ZNF714: variants seen among roughly 807,000 people sequenced by gnomAD.
ZNF714 encodes the protein zinc finger protein 714.
In ZNF714, 32 loss-of-function variants were observed where a neutral mutation model predicts 46.2. The observed-to-expected ratio is 0.69, with a 90% CI of 0.52 to 0.93. The LOEUF (loss-of-function observed/expected upper bound fraction) is 0.93, where lower values mean the gene tolerates loss of function less well. ZNF714 is among the 40% of genes least tolerant of loss of function. The probability of loss-of-function intolerance (pLI) is 0.00; values close to 1 mark genes in which losing one functional copy is unlikely to be tolerated. For missense variants in ZNF714, 635 were observed against 646.3 expected (o/e 0.98, Z 0.19); for synonymous variants, 199 against 213.1 (o/e 0.93, Z 0.58).
chr19:21,096,686 T>C (rs186997253), intron 2 of ZNF714, among the ~76,000 whole-genome samples: 41 of 152,120 alleles, frequency 2.7e-4, no homozygotes, highest in African/African-American at 9.9e-4. Flanking sequence ...AGTGTTCCTT[T>C]TGTGGCTGCT....
rs1969641549 is a variant in ZNF714, at chr19:21,118,006, A to G, written c.1342A>G (p.Thr448Ala). 1 of 1,613,804 alleles carries G rather than the reference A, an allele frequency of 6.2e-7. No homozygotes were observed. The highest frequency in any genetic ancestry group is 2.2e-5 in the East Asian group (1 of 44,870). The part of the protein sequence containing the change: ...SNLTTHKRIH[T>A]GEKPYKCEEC... ...CCTTACTACACATAAGAGAATTCAC[A>G]CTGGAGAGAAACCCTACAAATGTGA... The change falls in exon 5 of 5, where the codon ACT (threonine) becomes GCT (alanine). Residue 448 changes from threonine to alanine, a missense_variant. By Grantham distance (58) the Thr-to-Ala change is moderately conservative. Coordinates refer to ENST00000456283, the MANE Select transcript of ZNF714 (RefSeq NM_182515.4).
chr19:21,084,254 C>G (rs1043064077), intron 2 of ZNF714, among the ~76,000 whole-genome samples, 185 bp downstream of exon 2: 1 of 149,710 alleles, frequency 6.7e-6, no homozygotes, highest in Non-Finnish European at 1.5e-5. Flanking sequence ...ATCAAGCAAA[C>G]AAACAAAAAA....
chr19:21,090,129 T>G (rs951692371), intron 2 of ZNF714, among the ~76,000 whole-genome samples: 1 of 152,268 alleles, frequency 6.6e-6, no homozygotes, highest in African/African-American at 2.4e-5. Context: ...CCTGTCATCA[T>G]TAATTCAACC....
At chr19:21,102,583 T>C (rs1969207034) in intron 4 of ZNF714, among the ~76,000 whole-genome samples, 1 of 152,246 alleles carries the variant, frequency 6.6e-6, no homozygotes, top group Non-Finnish European at 1.5e-5. Flanking sequence ...ACATAAAAAT[T>C]ATCACATTTC....
intron 4 of ZNF714, among the ~76,000 whole-genome samples, chr19:21,111,248 C>T (rs1407183095): frequency 1.3e-5 from 2 of 152,230 alleles, no homozygotes; most frequent in East Asian, 3.9e-4. Context: ...TTTTCTTGTG[C>T]AGCGGTTTGT....
chr19:21,110,928 T>C (rs1419886671), intron 4 of ZNF714, among the ~76,000 whole-genome samples: 2 of 152,138 alleles, frequency 1.3e-5, no homozygotes, highest in Admixed American at 6.5e-5. Context: ...GAGTTCTCTA[T>C]TCTGTTCCAT....
chr19:21,116,230 T>G (rs1471729288), intron 4 of ZNF714, among the ~76,000 whole-genome samples: 1 of 151,776 alleles, frequency 6.6e-6, no homozygotes, highest in South Asian at 2.1e-4. Context: ...GGAGTTTATT[T>G]CTGCTTCATC....
intron 4 of ZNF714, among the ~76,000 whole-genome samples, chr19:21,112,384 G>A (rs1264273759): frequency 6.6e-6 from 1 of 151,970 alleles, no homozygotes; most frequent in Non-Finnish European, 1.5e-5. Flanking sequence ...GCACAGAGGT[G>A]TTTATAGTGT....
At chr19:21,100,926 T>G (rs1363368575) in intron 4 of ZNF714, among the ~76,000 whole-genome samples, 4 of 152,022 alleles carry the variant, frequency 2.6e-5, no homozygotes, top group Admixed American at 6.6e-5. Flanking sequence ...GGCCAGGCTG[T>G]TCTTGAAGTC....
intron 4 of ZNF714, among the ~76,000 whole-genome samples, chr19:21,112,227 G>C (rs528179289): frequency 3.3e-5 from 5 of 152,088 alleles, no homozygotes; most frequent in Non-Finnish European, 7.4e-5. Context: ...ACTTTTTATG[G>C]TTGGTAGGCT....
chr19:21,096,928 G>T (rs534152501), intron 2 of ZNF714, among the ~76,000 whole-genome samples: 15 of 152,010 alleles, frequency 9.9e-5, no homozygotes, highest in African/African-American at 3.4e-4. Context: ...GTGCAGTGGC[G>T]CAATCTCAGC....
chr19:21,118,343 T>C lies in ZNF714; in HGVS notation c.*11T>C. ...GGCAGGCGCCTGTAATCCCAGCTAC[T>C]TGGGAGGCAGAGGCAGGAGAATCAT... On this transcript the variant is annotated 3_prime_UTR_variant, in exon 5 of 5. Coordinates refer to ENST00000456283, the MANE Select transcript of ZNF714 (RefSeq NM_182515.4). 2 of 716,758 alleles carry C rather than the reference T, an allele frequency of 2.8e-6. No individual in the cohort carries two copies. Among genetic ancestry groups the C allele is most frequent in the South Asian group, 1.9e-5 (1 of 52,952 alleles). The allele number at this position is 716,758 out of a possible 1,614,324, so 44.4% of individuals were successfully genotyped here. A position where few individuals can be genotyped will look rare whatever the true frequency, so the allele number is the denominator to read the frequency against.
intron 2 of ZNF714, among the ~76,000 whole-genome samples, chr19:21,086,394 A>AC (rs1968779970): frequency 6.6e-6 from 1 of 152,214 alleles, no homozygotes; most frequent in African/African-American, 2.4e-5. Flanking sequence ...GCAGGGCAGC[A>AC]CCGAGGGCTG....
chr19:21,104,608 ATATTTATT>A (rs60281456), intron 4 of ZNF714, among the ~76,000 whole-genome samples: 11,741 of 150,720 alleles, frequency 0.078, 506 homozygotes, highest in Non-Finnish European at 0.086. Context: ...ATTTATTTAT[ATATTTATT>A]TATTTATTTA....
rs747326230 is a variant in ZNF714 at position 21,112,846 on chromosome 19, G to A, written c.143-3961G>A. Among the ~76,000 whole-genome samples, 181 of 18,494 alleles carry A rather than the reference G, an allele frequency of 9.8e-3. 1 individual carries two copies. The highest frequency in any genetic ancestry group is 8.0e-3 in the Non-Finnish European group (41 of 5,148). The allele number at this position is 18,494 out of a possible 152,430, so 12.1% of individuals were successfully genotyped here. On this transcript the variant is annotated intron_variant, in intron 4 of 4. Transcript: ENST00000456283. ...TTTTTTTTTTTTTTTTTTTTGAGAC[G>A]GAGTCTCGCTCTGTCGCCCAGGCTG... is the stretch of plus-strand genomic sequence containing the variant.
In ZNF714 at chr19:21,124,377, G is replaced by A. The variant is rs915952002; in HGVS notation, c.*6045G>A. The stretch of plus-strand genomic sequence containing the variant: ...TGCTGTTAAATATCAGAGTTCCTAT[G>A]ATTATGACTAAAAAATTAAATGACA... On this transcript the variant is annotated 3_prime_UTR_variant, in exon 5 of 5. Coordinates refer to ENST00000456283, the MANE Select transcript of ZNF714 (RefSeq NM_182515.4). 2.0e-5 allele frequency among the ~76,000 whole-genome samples: 3 copies of A among 152,098 alleles called. No homozygotes were observed. The highest frequency in any genetic ancestry group is 7.2e-5 in the African/African-American group (3 of 41,402).
chr19:21,102,612 A>G (rs1199335411), intron 4 of ZNF714, among the ~76,000 whole-genome samples: 2 of 152,174 alleles, frequency 1.3e-5, no homozygotes, highest in African/African-American at 4.8e-5. Context: ...GCTTATTAAA[A>G]GTTTCTCATT....
rs902195471 is a variant in ZNF714, at chr19:21,093,156, G to A, written c.-84-5029G>A. 1.1e-4 allele frequency among the ~76,000 whole-genome samples: 16 copies of A among 151,556 alleles called. 1 individual carries two copies. The highest frequency in any genetic ancestry group is 2.0e-4 in the East Asian group (1 of 5,126). On this transcript the variant is annotated intron_variant, in intron 2 of 4. Coordinates refer to ENST00000456283, the MANE Select transcript of ZNF714 (RefSeq NM_182515.4). The stretch of plus-strand genomic sequence containing the variant: ...CCTGACCTTGTGATCCACCTGCCTC[G>A]GCCTCCCAAAGTGCTGGGATTACAG...
rs1969751945 is a variant in ZNF714, at chr19:21,123,983, T to G, written c.*5651T>G. 6.6e-6 allele frequency: 1 copy of G among 152,168 alleles called. No homozygotes were observed. The allele number at this position is 152,168 out of a possible 1,614,324, so 9.4% of individuals were successfully genotyped here. A position where few individuals can be genotyped will look rare whatever the true frequency, so the allele number is the denominator to read the frequency against. ...TCTGTTATTTTGCATGCAAACTAGTTTACTGTGTTCACAGACTGGCCAGTC... is the reference window on the plus strand; with the variant it reads ...TCTGTTATTTTGCATGCAAACTAGTGTACTGTGTTCACAGACTGGCCAGTC... On this transcript the variant is annotated 3_prime_UTR_variant, in exon 5 of 5. Coordinates refer to ENST00000456283, the MANE Select transcript of ZNF714 (RefSeq NM_182515.4).
Sources: allele counts gnomAD v4.1 joint callset (sites outside exome capture counted in the v4.1 genomes callset), GRCh38; gene constraint gnomAD v4.1.1; transcripts MANE v1.5; gene names NCBI Gene and HGNC (gene_info 2026-07-23, HGNC 2026-07-21).